MAPK9: variants seen among roughly 807,000 people sequenced by gnomAD.
MAPK9 encodes the protein Jun kinase.
Under a neutral mutation model 57.1 loss-of-function variants are expected in MAPK9, and 30 were observed. The ratio of observed to expected loss-of-function variants is 0.53; its 90% CI spans 0.39 to 0.71. The LOEUF (loss-of-function observed/expected upper bound fraction) is 0.71. Ranked by LOEUF, MAPK9 falls within the 30% of genes least tolerant of loss-of-function variation. MAPK9 has a pLI of 0.00. For missense variants in MAPK9, 362 were observed against 521.0 expected, an observed-to-expected ratio of 0.69 and a Z score of 2.97; for synonymous variants, 155 against 177.0, an observed-to-expected ratio of 0.88 and a Z score of 0.99.
Position 180,283,058 on chromosome 5 carries a change from C to T in MAPK9, c.-47-2450G>A, listed in dbSNP as rs574839021. Among the ~76,000 whole-genome samples, 4 of 152,256 alleles carry T rather than the reference C, an allele frequency of 2.6e-5. No homozygotes were observed. The South Asian group carries it at 8.3e-4, about 32-fold the overall frequency. ...AGCCGTCTGGCCTCAGTCCTGAGGG[C>T]TGTGGAAGCCGTCAAAACATCAGAG... On this transcript the variant is annotated intron_variant, in intron 1 of 11. Transcript: ENST00000452135.
At chr5:180,256,876 T>C (rs778895525) in intron 5 of MAPK9, among the ~76,000 whole-genome samples, 2 of 152,120 alleles carry the variant, frequency 1.3e-5, no homozygotes, top group Non-Finnish European at 2.9e-5. Flanking sequence ...AGGCCTAATG[T>C]AGTAAGACTA....
Position 180,280,467 on chromosome 5 carries a change from A to G in MAPK9, c.95T>C (p.Ile32Thr), listed in dbSNP as rs760577314. The G allele has an allele frequency of 2.5e-5, 40 of 1,614,060 alleles. No homozygotes were observed. Among genetic ancestry groups the G allele is most frequent in the Non-Finnish European group, 3.2e-5 (38 of 1,180,032 alleles). The change falls in exon 2 of 12, where the codon ATT (isoleucine) becomes ACT (threonine). Residue 32 changes from isoleucine to threonine, a missense_variant. Ile to Thr is a moderately conservative substitution (Grantham distance 89). Transcript: ENST00000452135. Reference protein sequence around the residue: ...VLKRYQQLKPIGSGAQGIVCA... With the variant: ...VLKRYQQLKPTGSGAQGIVCA... ...AACAATCCCTTGGGCCCCAGAGCCA[A>G]TTGGTTTCAGCTGCTGGTAACGTTT...
intron 2 of MAPK9, among the ~76,000 whole-genome samples, chr5:180,278,997 G>A (rs1448316975): frequency 5.1e-5 from 7 of 137,560 alleles, no homozygotes; most frequent in African/African-American, 1.3e-4. Context: ...TTGCTCCATC[G>A]CCCAGGCTGG....
At chr5:180,246,254 T>C (rs1225981757) in intron 7 of MAPK9, 1 of 152,202 alleles carries the variant, frequency 6.6e-6, no homozygotes, top group African/African-American at 2.4e-5. Flanking sequence ...AAAGACGTCC[T>C]TATTTATAGG....
At chr5:180,238,508 G>C in intron 10 of MAPK9, 105 bp from the exon 11 acceptor site, 1 of 737,000 alleles carries the variant, frequency 1.4e-6, no homozygotes, top group South Asian at 1.6e-5. Context: ...ATTGCGATTT[G>C]TTATTTTTAA....
intron 1 of MAPK9, among the ~76,000 whole-genome samples, chr5:180,290,068 G>A (rs1006491442): frequency 6.6e-6 from 1 of 152,082 alleles, no homozygotes; most frequent in African/African-American, 2.4e-5. Flanking sequence ...CGTTGCCCAG[G>A]CTGGTCTTGA....
At chr5:180,278,481 C>G (rs749339250) in intron 2 of MAPK9, among the ~76,000 whole-genome samples, 3 of 152,326 alleles carry the variant, frequency 2.0e-5, no homozygotes, top group South Asian at 2.1e-4. Flanking sequence ...GTGGGTGGAT[C>G]ATGAGGTCAA....
chr5:180,266,106 A>G (rs1020990156), intron 3 of MAPK9, among the ~76,000 whole-genome samples: 3 of 151,918 alleles, frequency 2.0e-5, no homozygotes, highest in Non-Finnish European at 4.4e-5. Context: ...TAAAAAAAAA[A>G]CCCTCCTACA....
intron 8 of MAPK9, among the ~76,000 whole-genome samples, 157 bp from the exon 9 acceptor site, chr5:180,241,312 T>A (rs1034914024): frequency 2.6e-5 from 4 of 152,080 alleles, no homozygotes; most frequent in Non-Finnish European, 5.9e-5. Flanking sequence ...AAATTTTTTT[T>A]TTTTTTTTCG....
intron 3 of MAPK9, among the ~76,000 whole-genome samples, chr5:180,268,017 G>A (rs1760833639): frequency 6.6e-6 from 1 of 151,974 alleles, no homozygotes; most frequent in Non-Finnish European, 1.5e-5. Flanking sequence ...GTAGAGATGG[G>A]GTTTCACCAT....
intron 9 of MAPK9, 70 bp downstream of exon 9, chr5:180,240,957 TGGAC>T: frequency 6.6e-7 from 1 of 1,506,162 alleles, no homozygotes. Flanking sequence ...GTAGCCACTC[TGGAC>T]GGACAGACAA....
chr5:180,281,786 G>A (rs1466141476), intron 1 of MAPK9, among the ~76,000 whole-genome samples: 4 of 152,120 alleles, frequency 2.6e-5, no homozygotes, highest in Admixed American at 1.3e-4. Flanking sequence ...ACTGCCCCAC[G>A]GTCTTCTCCC....
chr5:180,258,016 G>A (rs138613688), intron 5 of MAPK9: 1 of 152,684 alleles, frequency 6.5e-6, no homozygotes, highest in East Asian at 1.9e-4. Flanking sequence ...TCTCACAAAT[G>A]TCCAAAGACA....
intron 7 of MAPK9, chr5:180,246,516 T>C (rs1431294141): frequency 6.6e-6 from 1 of 152,214 alleles, no homozygotes; most frequent in Non-Finnish European, 1.5e-5. Flanking sequence ...CTATGGAGCT[T>C]GATTTCCTTA....
chr5:180,267,418 TG>T lies in MAPK9; in HGVS notation c.252+1861del, dbSNP rs1018889130. Among the ~76,000 whole-genome samples the T allele has an allele frequency of 3.8e-3, 576 of 151,570 alleles. 6 individuals are homozygous for T. Among genetic ancestry groups the T allele is most frequent in the African/African-American group, 0.013 (532 of 41,374 alleles). On this transcript the variant is annotated intron_variant, in intron 3 of 11. Transcript: ENST00000452135. ...TCTACTAAAAATACAAAAAATTAGCTGGGTGTGGTGGCGGGCACCTGTAGTC... is the reference window on the plus strand; with the variant it reads ...TCTACTAAAAATACAAAAAATTAGCTGGTGTGGTGGCGGGCACCTGTAGTC...
rs1375901649 is a variant in MAPK9 at position 180,235,502 on chromosome 5, C to G, written c.*882G>C. On this transcript the variant is annotated 3_prime_UTR_variant, in exon 12 of 12. Transcript: ENST00000452135. ...TTAGGCCATGGATGCAGGAACCTAT[C>G]TGCCATCATATTTAATTAAGATGGA... is the stretch of plus-strand genomic sequence containing the variant. 3 of 152,328 alleles carry G rather than the reference C, an allele frequency of 2.0e-5. No individual in the cohort carries two copies. The highest frequency in any genetic ancestry group is 4.4e-5 in the Non-Finnish European group (3 of 68,038). The allele number at this position is 152,328 out of a possible 1,614,324, so 9.4% of individuals were successfully genotyped here.
intron 3 of MAPK9, among the ~76,000 whole-genome samples, chr5:180,265,707 A>T (rs573612893): frequency 7.4e-4 from 113 of 152,338 alleles, no homozygotes; most frequent in South Asian, 2.5e-3. Flanking sequence ...CCCATGGTGT[A>T]AACAGCGAGT....
At position 180,264,046 on chromosome 5, in the gene MAPK9, C is replaced by T. The variant is rs545820306; in HGVS notation, c.311+735G>A. 1.6e-4 allele frequency among the ~76,000 whole-genome samples: 25 copies of T among 152,336 alleles called. No individual in the cohort carries two copies. The South Asian group carries it at 5.0e-3, about 30-fold the overall frequency. On this transcript the variant is annotated intron_variant, in intron 4 of 11. Transcript: ENST00000452135. Reference sequence around the variant, plus strand: ...CCCCTTCAAGGCTTTCTTCGAATGTCACCAACTCATGGAGGTCTTTCCCCA... The same window carrying T: ...CCCCTTCAAGGCTTTCTTCGAATGTTACCAACTCATGGAGGTCTTTCCCCA...
In MAPK9 at chr5:180,247,196, T is replaced by C; in HGVS notation, c.688+243A>G. ...TATTTTTGGCAAAATTAAGAGCTAA[T>C]ATAATCGGTTTAACTGAACTCTAAG... is the stretch of plus-strand genomic sequence containing the variant. On this transcript the variant is annotated intron_variant, in intron 7 of 11. Coordinates refer to ENST00000452135, the MANE Select transcript of MAPK9 (RefSeq NM_002752.5). The surrounding 1 kb of genome is among the most constrained non-coding windows in gnomAD (Gnocchi z 4.5). The C allele has an allele frequency of 1.8e-6, 1 of 550,418 alleles. No individual in the cohort carries two copies. Among genetic ancestry groups the C allele is most frequent in the Non-Finnish European group, 3.2e-6 (1 of 313,060 alleles). The allele number at this position is 550,418 out of a possible 1,614,324, so 34.1% of individuals were successfully genotyped here.
Sources: gnomAD v4.1 joint callset for allele counts (sites outside exome capture counted in the v4.1 genomes callset) on GRCh38, gnomAD v4.1.1 for gene constraint, Gnocchi (gnomAD v3.1) non-coding constraint, MANE v1.5 for transcripts, NCBI Gene and HGNC (gene_info 2026-07-23, HGNC 2026-07-21) for gene names.